Variants in TNXB observed in about 807,000 individuals in gnomAD.
The protein encoded by TNXB is tenascin-X.
Under a neutral mutation model 340.5 loss-of-function variants are expected in TNXB, and 183 were observed. That is an observed-to-expected ratio of 0.54 (90% CI 0.48 to 0.61). TNXB has a LOEUF of 0.61. TNXB is among the 20% of genes least tolerant of loss of function. The pLI is 0.00. For missense variants in TNXB, 4,613 were observed against 5,446.4 expected (o/e 0.85, Z 4.82); for synonymous variants, 2,121 against 2,314.5 (o/e 0.92, Z 2.40).
rs547224342 is a variant in TNXB at position 32,047,181 on chromosome 6, G to A, written c.10324+553C>T. Reference sequence around the variant, plus strand: ...CCAGGGACCCAGGCCCAGACTGGCCGGCTGCTCTGTCCTCCTCTGGGCATA... The same window carrying A: ...CCAGGGACCCAGGCCCAGACTGGCCAGCTGCTCTGTCCTCCTCTGGGCATA... On this transcript the variant is annotated intron_variant, in intron 30 of 43. Transcript: ENST00000644971. This position sits in a 1 kb window ranked among gnomAD's most constrained non-coding sequence, Gnocchi z 6.2. 2.0e-5 allele frequency among the ~76,000 whole-genome samples: 3 copies of A among 152,366 alleles called. No individual in the cohort carries two copies. In the South Asian group the frequency reaches 6.2e-4, roughly 32 times the overall value.
At position 32,052,237 on chromosome 6, in the gene TNXB, G is replaced by T. The variant is rs192216704; in HGVS notation, c.9115+433C>A. 1.9e-3 allele frequency among the ~76,000 whole-genome samples: 287 copies of T among 152,276 alleles called. 3 individuals are homozygous for T. The highest frequency in any genetic ancestry group is 0.016 in the Admixed American group (243 of 15,302). Reference sequence around the variant, plus strand: ...GAGGCCGAGGAGGGCAGATCACGAGGTCAGGAGATTGAGACCATCCTGGCT... The same window carrying T: ...GAGGCCGAGGAGGGCAGATCACGAGTTCAGGAGATTGAGACCATCCTGGCT... On this transcript the variant is annotated intron_variant, in intron 26 of 43. Coordinates refer to ENST00000644971, the MANE Select transcript of TNXB (RefSeq NM_001365276.2). This position sits in a 1 kb window ranked among gnomAD's most constrained non-coding sequence, Gnocchi z 4.7.
chr6:32,055,370 C>T (rs1409451300), intron 24 of TNXB, among the ~76,000 whole-genome samples: 2 of 152,176 alleles, frequency 1.3e-5, no homozygotes, highest in Non-Finnish European at 2.9e-5. Flanking sequence ...GTGTCCGGAT[C>T]AGGGCAAGGA....
In TNXB at chr6:32,096,879, C is replaced by A; in HGVS notation, c.974G>T (p.Arg325Leu). 6.2e-7 allele frequency: 1 copy of A among 1,608,692 alleles called. No homozygotes were observed. Among genetic ancestry groups the A allele is most frequent in the Non-Finnish European group, 8.5e-7 (1 of 1,177,840 alleles). Residue 325 changes from arginine to leucine, a missense_variant, in exon 3 of 44, where the codon CGC becomes CTC. By Grantham distance (102) the Arg-to-Leu change is moderately radical (BLOSUM62 -2). Transcript: ENST00000644971. The stretch of plus-strand genomic sequence containing the variant: ...AGTGTAGCCGGGGTCACACACGCAG[C>A]GCCCGTCCTTGCAGCGTCCCCGCTG... ...CSQRGRCKDG[R>L]CVCDPGYTGE...
rs767248359 is a variant in TNXB, at chr6:32,096,414, C to G, written c.1439G>C (p.Arg480Pro). Residue 480 changes from arginine to proline, a missense_variant, in exon 3 of 44, where the codon CGC becomes CCC. By Grantham distance (103) the Arg-to-Pro change is moderately radical. This residue lies in a region of TNXB where 4,327 missense variants were observed against 4,859.4 expected (regional missense o/e 0.89). Transcript: ENST00000644971. ...CRGRGRCESGRCMCWPGYTGR... is the reference protein window; with the variant it reads ...CRGRGRCESGPCMCWPGYTGR... The stretch of plus-strand genomic sequence containing the variant: ...TGTGTACCCCGGCCAACACATGCAG[C>G]GGCCACTCTCACAGCGGCCCCGGCC... 3.2e-6 allele frequency: 5 copies of G among 1,587,106 alleles called. No individual in the cohort carries two copies. In the African/African-American group the frequency reaches 6.7e-5, roughly 21 times the overall value.
chr6:32,098,181 A>G lies in TNXB; in HGVS notation c.18T>C (p.Tyr6=), dbSNP rs1287999809. Residue 6 remains tyrosine (Y), a synonymous_variant, in exon 2 of 44, where the codon TAT becomes TAC. Transcript: ENST00000644971. The stretch of plus-strand genomic sequence containing the variant: ...GGAGAACCAGGCTGGAGGTTAGAGC[A>G]TACTGGGCTGGCATCATTCAGGAGG... The part of the protein sequence containing the change: MMPAQ[Y]ALTSSLVLLV... 6.5e-7 allele frequency: 1 copy of G among 1,535,888 alleles called. No homozygotes were observed. The highest frequency in any genetic ancestry group is 1.9e-5 in the Admixed American group (1 of 51,446).
rs1039452706 is a variant in TNXB, at chr6:32,096,312, C to T, written c.1541G>A (p.Cys514Tyr). ...GTCCTCACCGGTGAAGCCCGGGTTG[C>T]ACACGCAGCGGCCATCCACGCAGCG... ...RGRCVDGRCV[C>Y]NPGFTGEDCG... Residue 514 changes from cysteine to tyrosine, a missense_variant, in exon 3 of 44, where the codon TGC becomes TAC. By Grantham distance (194) the Cys-to-Tyr change is radical. Around this residue, in one of 7 missense-constraint regions of TNXB, gnomAD observed 4,327 missense variants for 4,859.4 expected, o/e 0.89. Transcript: ENST00000644971. 1 of 1,550,676 alleles carries T rather than the reference C, an allele frequency of 6.4e-7. No homozygotes were observed. The highest frequency in any genetic ancestry group is 8.7e-7 in the Non-Finnish European group (1 of 1,153,012).
rs746840681 is a variant in TNXB, at chr6:32,096,080, C to T, written c.1773G>A (p.Pro591=). The stretch of plus-strand genomic sequence containing the variant: ...ACACGCCGTGCTGGCTGCAGTCATT[C>T]GGGCACTGCCTCACACCGCAATCCT... ...SGEDCGVRQC[P]NDCSQHGVCQ... is the part of the protein sequence containing the mutation. The change falls in exon 3 of 44, where the codon CCG becomes CCA. Residue 591 remains proline, a synonymous_variant. Coordinates refer to ENST00000644971, the MANE Select transcript of TNXB (RefSeq NM_001365276.2). 1.9e-6 allele frequency: 3 copies of T among 1,611,754 alleles called. No individual in the cohort carries two copies. The South Asian group carries it at 3.3e-5, about 18-fold the overall frequency.
In TNXB at chr6:32,072,691, C is replaced by T. The variant is rs1290332558; in HGVS notation, c.4682-393G>A. On this transcript the variant is annotated intron_variant, in intron 12 of 43. Coordinates refer to ENST00000644971, the MANE Select transcript of TNXB (RefSeq NM_001365276.2). This position sits in a 1 kb window ranked among gnomAD's most constrained non-coding sequence, Gnocchi z 4.4. ...TGGATTTTTAAGAAATATTTTGGGC[C>T]GGGTGCAGTGGCTCATGCCAGGCCG... Among the ~76,000 whole-genome samples, 1 of 152,172 alleles carries T rather than the reference C, an allele frequency of 6.6e-6. No individual in the cohort carries two copies. Among genetic ancestry groups the T allele is most frequent in the African/African-American group, 2.4e-5 (1 of 41,430 alleles).
At chr6:32,102,262 T>C (rs1432718957) in intron 1 of TNXB, among the ~76,000 whole-genome samples, 2 of 152,190 alleles carry the variant, frequency 1.3e-5, no homozygotes, top group African/African-American at 4.8e-5. Flanking sequence ...ACATATAGTC[T>C]ATAACCCAGA....
chr6:32,064,195 G>A lies in TNXB; in HGVS notation c.6841+626C>T, dbSNP rs1269035875. Among the ~76,000 whole-genome samples, 3 of 152,022 alleles carry A rather than the reference G, an allele frequency of 2.0e-5. No homozygotes were observed. Among genetic ancestry groups the A allele is most frequent in the Non-Finnish European group, 4.4e-5 (3 of 67,996 alleles). On this transcript the variant is annotated intron_variant, in intron 19 of 43. Coordinates refer to ENST00000644971, the MANE Select transcript of TNXB (RefSeq NM_001365276.2). This position sits in a 1 kb window ranked among gnomAD's most constrained non-coding sequence, Gnocchi z 5.3. ...GAGGAAAAGGATGTACAGAGAGGTCGTGTGTCTGTTTTTTGTTTGCTTGTT... is the reference window on the plus strand; with the variant it reads ...GAGGAAAAGGATGTACAGAGAGGTCATGTGTCTGTTTTTTGTTTGCTTGTT...
Position 32,053,402 on chromosome 6 carries a change from A to G in TNXB, c.8777T>C (p.Val2926Ala). 1 of 1,612,330 alleles carries G rather than the reference A, an allele frequency of 6.2e-7. No individual in the cohort carries two copies. The highest frequency in any genetic ancestry group is 8.5e-7 in the Non-Finnish European group (1 of 1,179,690). The change falls in exon 25 of 44, where the codon GTC becomes GCC. Residue 2926 changes from valine (V) to alanine (A), a missense_variant. Val to Ala is a moderately conservative substitution (Grantham distance 64, BLOSUM62 0). Around this residue, in one of 7 missense-constraint regions of TNXB, gnomAD observed 4,327 missense variants for 4,859.4 expected, o/e 0.89. Coordinates refer to ENST00000644971, the MANE Select transcript of TNXB (RefSeq NM_001365276.2). The part of the protein sequence containing the change: ...HGGQRVGPIS[V>A]IGVTAAEEET... ...CGTACACTCACCTGTCACCCCAATGACAGAGATGGGGCCCACGCGCTGGCC... is the reference window on the plus strand; with the variant it reads ...CGTACACTCACCTGTCACCCCAATGGCAGAGATGGGGCCCACGCGCTGGCC...
chr6:32,106,709 G>A (rs1470912754), intron 1 of TNXB, among the ~76,000 whole-genome samples: 1 of 152,160 alleles, frequency 6.6e-6, no homozygotes, highest in Non-Finnish European at 1.5e-5. Context: ...GGCATACAGA[G>A]AGCTGCCCTT....
chr6:32,070,480 C>A lies in TNXB; in HGVS notation c.4991-66G>T. On this transcript the variant is annotated intron_variant, in intron 13 of 43. Coordinates refer to ENST00000644971, the MANE Select transcript of TNXB (RefSeq NM_001365276.2). The surrounding 1 kb of genome is among the most constrained non-coding windows in gnomAD (Gnocchi z 6.0). ...ACTCCTTGACTGCCTCCCTCTGGGGCTGGAAAAACCCAGAACTGCCCAAAT... is the reference window on the plus strand; with the variant it reads ...ACTCCTTGACTGCCTCCCTCTGGGGATGGAAAAACCCAGAACTGCCCAAAT... The A allele has an allele frequency of 6.9e-7, 1 of 1,456,124 alleles. No homozygotes were observed. The highest frequency in any genetic ancestry group is 1.5e-5 in the South Asian group (1 of 68,952). 90.2% of individuals were successfully genotyped at this position (1,456,124 alleles called of 1,614,324 possible).
chr6:32,043,511 C>T lies in TNXB; in HGVS notation c.11576G>A (p.Gly3859Glu), dbSNP rs753281947. The change falls in exon 36 of 44, where the codon GGA (glycine) becomes GAA (glutamate). Residue 3859 changes from glycine to glutamate, a missense_variant. Physicochemically the swap from Gly to Glu is moderately conservative, Grantham distance 98 (BLOSUM62 -2). Transcript: ENST00000644971. The stretch of plus-strand genomic sequence containing the variant: ...GGGCTTCCAGTGCAGCACGGCGAAT[C>T]CCTCGGTCAAGTTCAGTGCACGCAA... Reference protein sequence around the residue: ...TQLRALNLTEGFAVLHWKPPQ... With the variant: ...TQLRALNLTEEFAVLHWKPPQ... 1.3e-6 allele frequency: 1 copy of T among 760,808 alleles called. No homozygotes were observed. The highest frequency in any genetic ancestry group is 2.1e-6 in the Non-Finnish European group (1 of 467,094). The allele number at this position is 760,808 out of a possible 1,614,324, so 47.1% of individuals were successfully genotyped here.
In TNXB at chr6:32,082,115, A is replaced by G; in HGVS notation, c.3657T>C (p.Pro1219=). Residue 1219 remains proline, a synonymous_variant, in exon 9 of 44, where the codon CCT becomes CCC. Transcript: ENST00000644971. The surrounding 1 kb of genome is among the most constrained non-coding windows in gnomAD (Gnocchi z 5.0). ...ACAGAGTGAATCTGTACTTGTGGTC[A>G]GGGTCCAGTGAGGAGACAACAAATG... The part of the protein sequence containing the change: ...ERSFVVSSLD[P]DHKYRFTLFG... The G allele has an allele frequency of 6.2e-7, 1 of 1,611,418 alleles. No homozygotes were observed. The highest frequency in any genetic ancestry group is 8.5e-7 in the Non-Finnish European group (1 of 1,179,042).
intron 19 of TNXB, among the ~76,000 whole-genome samples, chr6:32,063,011 C>T (rs1285043870): frequency 6.6e-6 from 1 of 151,890 alleles, no homozygotes; most frequent in Non-Finnish European, 1.5e-5. Flanking sequence ...GCCAAGATCA[C>T]GCCACTGCAC....
intron 1 of TNXB, among the ~76,000 whole-genome samples, chr6:32,104,487 C>T (rs1213032424): frequency 6.6e-6 from 1 of 152,186 alleles, no homozygotes; most frequent in Non-Finnish European, 1.5e-5. Flanking sequence ...CCTAATAGCC[C>T]ATTCAAGGCT....
At chr6:32,091,259 C>A (rs1780062075) in intron 4 of TNXB, among the ~76,000 whole-genome samples, 1 of 151,988 alleles carries the variant, frequency 6.6e-6, no homozygotes, top group Non-Finnish European at 1.5e-5. Flanking sequence ...TACAGGCATG[C>A]GCCACCATGT....
At chr6:32,065,344 T>C (rs1778281605) in intron 18 of TNXB, among the ~76,000 whole-genome samples, 2 of 152,164 alleles carry the variant, frequency 1.3e-5, no homozygotes, top group African/African-American at 4.8e-5. Flanking sequence ...ACCTAAATGT[T>C]CTTTCCCCAG....
Sources: allele counts gnomAD v4.1 joint callset (sites outside exome capture counted in the v4.1 genomes callset), GRCh38; gene constraint gnomAD v4.1.1; regional missense constraint gnomAD v4.1.1; non-coding constraint Gnocchi (gnomAD v3.1); transcripts MANE v1.5; gene names NCBI Gene and HGNC (gene_info 2026-07-23, HGNC 2026-07-21).